Variants in FRMD6 observed in about 807,000 individuals in gnomAD.
The protein encoded by FRMD6 is FERM domain-containing protein 6.
Under a neutral mutation model 73.2 loss-of-function variants are expected in FRMD6, and 37 were observed. The observed-to-expected ratio is 0.51, with a 90% confidence interval of 0.39 to 0.66. The LOEUF is 0.66. FRMD6 is among the 30% of genes least tolerant of loss of function. FRMD6 has a pLI of 0.00. For synonymous variants in FRMD6, 273 were observed against 282.2 expected (o/e 0.97, Z 0.33); for missense variants, 714 against 780.5 (o/e 0.91, Z 1.02).
At chr14:51,651,336 T>C (rs1332061836), upstream of FRMD6, 1 of 151,710 alleles carries the variant, frequency 6.6e-6, no homozygotes, top group African/African-American at 2.4e-5. Flanking sequence ...GGCTGCAGGA[T>C]TCACGAAGCC....
At chr14:51,576,902 C>T (rs1209031604) in intron 2 of FRMD6, among the ~76,000 whole-genome samples, 1 of 152,200 alleles carries the variant, frequency 6.6e-6, no homozygotes, top group Non-Finnish European at 1.5e-5. Flanking sequence ...TGAGCCTCTC[C>T]TGTCTGATCC....
At position 51,490,886 on chromosome 14, in the gene FRMD6, T is replaced by C. The variant is rs555746948; in HGVS notation, c.-210+1466T>C. Among the ~76,000 whole-genome samples the C allele has an allele frequency of 1.4e-3, 206 of 152,270 alleles. 3 individuals are homozygous for C. Among genetic ancestry groups the C allele is most frequent in the African/African-American group, 4.7e-3 (196 of 41,556 alleles). The stretch of plus-strand genomic sequence containing the variant: ...GGGCTCAAGCTTCCTTAAAATCCAG[T>C]TCTCCAAGGCCAAGAATAGTGAGAG... On this transcript the variant is annotated intron_variant, in intron 1 of 14. Transcript: ENST00000356218.
chr14:51,655,819 C>T (rs149204624), intron 1 of FRMD6, among the ~76,000 whole-genome samples: 51 of 152,204 alleles, frequency 3.4e-4, no homozygotes, highest in African/African-American at 1.2e-3. Flanking sequence ...GATAGTTATC[C>T]TGGAAATTTT....
intron 2 of FRMD6, 34 bp downstream of exon 2, chr14:51,689,969 T>C (rs1895429719): frequency 3.6e-6 from 5 of 1,384,270 alleles, no homozygotes; most frequent in Middle Eastern, 3.5e-4. Context: ...TGTCTAAATA[T>C]TGTGTTTTCA....
In FRMD6 at chr14:51,633,621, A is replaced by AAAAAAAAG. The variant is rs143710280; in HGVS notation, c.-146-56070_-146-56069insAAAAAAAG. On this transcript the variant is annotated intron_variant, in intron 2 of 14. Coordinates refer to the FRMD6 transcript ENST00000356218. The stretch of plus-strand genomic sequence containing the variant: ...GTCAAAAAAAAAAAAAAAAAAAAAA[A>AAAAAAAAG]GAAATAATTATATGTCATAGTTTAA... Among the ~76,000 whole-genome samples the AAAAAAAAG allele has an allele frequency of 1.8e-3, 180 of 99,324 alleles. 3 individuals are homozygous for AAAAAAAAG. The highest frequency in any genetic ancestry group is 2.1e-3 in the Non-Finnish European group (109 of 51,658). The allele number at this position is 99,324 out of a possible 152,430, so 65.2% of individuals were successfully genotyped here. A position where few individuals can be genotyped will look rare whatever the true frequency, so the allele number is the denominator to read the frequency against.
chr14:51,702,635 C>A, intron 5 of FRMD6, 47 bp downstream of exon 5: 1 of 1,440,704 alleles, frequency 6.9e-7, no homozygotes, highest in South Asian at 1.2e-5. Context: ...TCCCCCATAG[C>A]ACTTTTTCTA....
intron 1 of FRMD6, among the ~76,000 whole-genome samples, chr14:51,528,221 C>T (rs1000698625): frequency 6.6e-6 from 1 of 152,136 alleles, no homozygotes; most frequent in Non-Finnish European, 1.5e-5. Flanking sequence ...TAGGAGTTGC[C>T]AATTCCCACT....
intron 2 of FRMD6, among the ~76,000 whole-genome samples, chr14:51,607,119 AC>A (rs1341872343): frequency 2.6e-4 from 40 of 152,090 alleles, no homozygotes; most frequent in Non-Finnish European, 7.4e-5. Context: ...CTCTGGAAAC[AC>A]CCTCACAGAC....
chr14:51,459,583 T>C, the FRMD6 span, among the ~76,000 whole-genome samples: 2 of 152,020 alleles, frequency 1.3e-5, no homozygotes, highest in Non-Finnish European at 2.9e-5. Flanking sequence ...ATCCCAGCAC[T>C]TTGAGAGGCC....
chr14:51,589,767 A>T (rs1417799574), intron 2 of FRMD6, among the ~76,000 whole-genome samples: 2 of 152,220 alleles, frequency 1.3e-5, no homozygotes, highest in Non-Finnish European at 2.9e-5. Context: ...CCAGATATCA[A>T]TAAATGATCA....
At chr14:51,474,509 G>T in the FRMD6 span, among the ~76,000 whole-genome samples, 1 of 152,154 alleles carries the variant, frequency 6.6e-6, no homozygotes, top group Admixed American at 6.5e-5. Flanking sequence ...TTTTCAGAGG[G>T]CACAGTGGTC....
At chr14:51,441,172 C>T in the FRMD6 span, among the ~76,000 whole-genome samples, 5 of 152,322 alleles carry the variant, frequency 3.3e-5, no homozygotes, top group East Asian at 3.9e-4. Context: ...AGCCAGAGGG[C>T]GGGACCTCCT....
the FRMD6 span, among the ~76,000 whole-genome samples, chr14:51,401,678 T>C: frequency 1.3e-5 from 2 of 152,064 alleles, no homozygotes; most frequent in Non-Finnish European, 2.9e-5. Flanking sequence ...AACTTGCTAA[T>C]GTCAACAGGG....
intron 1 of FRMD6, among the ~76,000 whole-genome samples, chr14:51,665,688 C>T (rs543730924): frequency 2.8e-4 from 42 of 152,198 alleles, no homozygotes; most frequent in African/African-American, 9.9e-4. Flanking sequence ...TGGCTGCGTC[C>T]CCACCCAAAT....
intron 1 of FRMD6, among the ~76,000 whole-genome samples, chr14:51,546,045 C>T (rs1313144186): frequency 6.6e-6 from 1 of 151,978 alleles, no homozygotes; most frequent in Non-Finnish European, 1.5e-5. Flanking sequence ...AACAGCTCAT[C>T]GAAATTCCAT....
the FRMD6 span, among the ~76,000 whole-genome samples, chr14:51,439,600 C>T: frequency 1.1e-4 from 16 of 152,162 alleles, no homozygotes; most frequent in Admixed American, 9.8e-4. Context: ...GACCCACTAA[C>T]GTGTTCACTA....
At chr14:51,497,379 A>G (rs185667968) in intron 1 of FRMD6, among the ~76,000 whole-genome samples, 13 of 152,228 alleles carry the variant, frequency 8.5e-5, no homozygotes, top group African/African-American at 3.1e-4. Context: ...TCAATCTGAT[A>G]CAACTCCTTT....
the FRMD6 span, among the ~76,000 whole-genome samples, chr14:51,468,897 G>C: frequency 6.6e-6 from 1 of 151,914 alleles, no homozygotes; most frequent in Non-Finnish European, 1.5e-5. Flanking sequence ...CTTCTTTATT[G>C]TGTTAATATG....
At chr14:51,570,633 T>C (rs1402387956) in intron 2 of FRMD6, among the ~76,000 whole-genome samples, 1 of 152,200 alleles carries the variant, frequency 6.6e-6, no homozygotes, top group African/African-American at 2.4e-5. Context: ...AGGAAGTTGT[T>C]AAAAATGCAA....
Sources: gnomAD v4.1 joint callset for allele counts (sites outside exome capture counted in the v4.1 genomes callset) on GRCh38, gnomAD v4.1.1 for gene constraint, MANE v1.5 for transcripts, NCBI Gene and HGNC (gene_info 2026-07-23, HGNC 2026-07-21) for gene names.